The following FBXO15 variants were observed in gnomAD, a reference collection of about 807,000 sequenced individuals.
The protein encoded by FBXO15 is F-box protein 15.
Under a neutral mutation model 49.5 loss-of-function variants are expected in FBXO15, and 30 were observed. The ratio of observed to expected loss-of-function variants is 0.61; its 90% confidence interval spans 0.45 to 0.82. The LOEUF (loss-of-function observed/expected upper bound fraction) is 0.82, where lower values mean the gene tolerates loss of function less well. Among genes scored for constraint, FBXO15 ranks in the 40% least tolerant of loss-of-function variants. The pLI is 0.00. For synonymous variants in FBXO15, 250 were observed against 232.7 expected, an observed-to-expected ratio of 1.07 and a Z score of -0.68; for missense variants, 591 against 631.5, an observed-to-expected ratio of 0.94 and a Z score of 0.69.
intron 2 of FBXO15, among the ~76,000 whole-genome samples, chr18:74,139,443 T>C (rs2145222885): frequency 6.6e-6 from 1 of 152,354 alleles, no homozygotes; most frequent in Middle Eastern, 3.4e-3. Flanking sequence ...TAAGCTGAAA[T>C]TAATGTCCTT....
intron 8 of FBXO15, among the ~76,000 whole-genome samples, chr18:74,113,324 G>A (rs1345301936): frequency 1.3e-5 from 2 of 152,162 alleles, no homozygotes; most frequent in East Asian, 3.8e-4. Context: ...GAAGCTCAGA[G>A]GATTTTTAGG....
intron 8 of FBXO15, among the ~76,000 whole-genome samples, chr18:74,120,828 T>C (rs1428453784): frequency 6.7e-6 from 1 of 150,118 alleles, no homozygotes; most frequent in Non-Finnish European, 1.5e-5. Flanking sequence ...AACATGCAAA[T>C]CAATGAAATA....
intron 4 of FBXO15, 89 bp downstream of exon 4, chr18:74,130,327 A>G: frequency 6.7e-7 from 1 of 1,495,898 alleles, no homozygotes; most frequent in Non-Finnish European, 9.0e-7. Context: ...TACTAGAGAC[A>G]GTCCCACACA....
In FBXO15 at chr18:74,136,313, C is replaced by T. The variant is rs993770326; in HGVS notation, c.228-447G>A. ...TCTCCCGCCTCAGCCTCCCCAGCAG[C>T]TGGACTACAGGCGCACGCCGCCAAG... On this transcript the variant is annotated intron_variant, in intron 2 of 9. Transcript: ENST00000419743. Among the ~76,000 whole-genome samples the T allele has an allele frequency of 7.9e-5, 12 of 152,228 alleles. 1 individual carries two copies. The highest frequency in any genetic ancestry group is 2.9e-4 in the African/African-American group (12 of 41,464).
intron 9 of FBXO15, among the ~76,000 whole-genome samples, chr18:74,081,349 T>A (rs1309222874): frequency 2.0e-5 from 3 of 152,160 alleles, no homozygotes; most frequent in Admixed American, 2.0e-4. Flanking sequence ...GGAGCAGCCA[T>A]GGGCACAAGG....
At chr18:74,090,783 TTTTC>T (rs1912990286) in intron 8 of FBXO15, among the ~76,000 whole-genome samples, 1 of 152,200 alleles carries the variant, frequency 6.6e-6, no homozygotes, top group Non-Finnish European at 1.5e-5. Context: ...ATGATTTTAG[TTTTC>T]TTTATTTTCA....
At chr18:74,087,907 T>C (rs1303876203) in intron 8 of FBXO15, among the ~76,000 whole-genome samples, 1 of 152,180 alleles carries the variant, frequency 6.6e-6, no homozygotes, top group Non-Finnish European at 1.5e-5. Context: ...TAATAGCCAT[T>C]CTGATTGGTA....
intron 8 of FBXO15, among the ~76,000 whole-genome samples, chr18:74,094,465 G>A (rs1049950108): frequency 2.6e-5 from 4 of 152,066 alleles, no homozygotes; most frequent in African/African-American, 9.7e-5. Context: ...TCTATATCCT[G>A]TACAGCCTAC....
chr18:74,100,507 T>C (rs1318236349), intron 8 of FBXO15, among the ~76,000 whole-genome samples: 4 of 150,936 alleles, frequency 2.7e-5, no homozygotes, highest in Non-Finnish European at 5.9e-5. Flanking sequence ...CTCAAGGAAC[T>C]AGAGAAAAAA....
At chr18:74,115,005 C>G (rs1019538472) in intron 8 of FBXO15, among the ~76,000 whole-genome samples, 1 of 152,130 alleles carries the variant, frequency 6.6e-6, no homozygotes, top group African/African-American at 2.4e-5. Context: ...CAGCTTCTTA[C>G]TGAGGGAGAT....
chr18:74,077,419 C>A (rs780021939), intron 9 of FBXO15, among the ~76,000 whole-genome samples: 3 of 152,134 alleles, frequency 2.0e-5, no homozygotes, highest in Non-Finnish European at 2.9e-5. Flanking sequence ...GAGCCTAAGG[C>A]CCCTCACATC....
intron 9 of FBXO15, among the ~76,000 whole-genome samples, chr18:74,079,896 T>G (rs1441405705): frequency 1.3e-5 from 2 of 152,160 alleles, no homozygotes; most frequent in Non-Finnish European, 2.9e-5. Context: ...GGCAGCATCC[T>G]CCGTCATTAT....
chr18:74,131,319 C>T (rs1225091307), intron 3 of FBXO15, among the ~76,000 whole-genome samples: 1 of 152,176 alleles, frequency 6.6e-6, no homozygotes, highest in Non-Finnish European at 1.5e-5. Flanking sequence ...TTCCTGTCCC[C>T]ACTGCATAGA....
At chr18:74,098,228 A>C (rs540058587) in intron 8 of FBXO15, 2 of 152,234 alleles carry the variant, frequency 1.3e-5, no homozygotes, top group Admixed American at 1.3e-4. Context: ...TCCCCCAAAA[A>C]TCACACTAGC....
intron 3 of FBXO15, among the ~76,000 whole-genome samples, chr18:74,135,272 C>T (rs979374876): frequency 6.6e-6 from 1 of 152,232 alleles, no homozygotes; most frequent in African/African-American, 2.4e-5. Flanking sequence ...CCATTTCGCT[C>T]TCCCCACAGA....
At chr18:74,095,198 G>A (rs560579780) in intron 8 of FBXO15, among the ~76,000 whole-genome samples, 11 of 152,302 alleles carry the variant, frequency 7.2e-5, no homozygotes, top group African/African-American at 2.2e-4. Flanking sequence ...CAGCCATAAG[G>A]CTGTTTTGAT....
At chr18:74,140,509 A>G (rs9949741) in intron 1 of FBXO15, among the ~76,000 whole-genome samples, 197 bp from the exon 2 acceptor site, 18,403 of 121,088 alleles carry the variant, frequency 0.15, 2,337 homozygotes, top group African/African-American at 0.42. Context: ...GGAGGAAGAG[A>G]CAGTGAAACC....
chr18:74,109,999 G>A (rs1004563515), intron 8 of FBXO15, among the ~76,000 whole-genome samples: 8 of 151,202 alleles, frequency 5.3e-5, no homozygotes, highest in African/African-American at 9.7e-5. Flanking sequence ...AAAGGAAAAC[G>A]ATAAAGATCA....
At chr18:74,096,540 CA>C (rs1014870614) in intron 8 of FBXO15, among the ~76,000 whole-genome samples, 41 of 149,262 alleles carry the variant, frequency 2.7e-4, no homozygotes, top group African/African-American at 9.9e-4. Flanking sequence ...AAACAAAAGC[CA>C]GACAGAGAAG....
Sources: allele counts gnomAD v4.1 joint callset (sites outside exome capture counted in the v4.1 genomes callset), GRCh38; gene constraint gnomAD v4.1.1; transcripts MANE v1.5; gene names NCBI Gene and HGNC (gene_info 2026-07-23, HGNC 2026-07-21).